KIF14: variants seen among roughly 807,000 people sequenced by gnomAD.
KIF14 encodes the protein kinesin-like protein KIF14.
KIF14 carries 98 observed loss-of-function variants against 176.2 expected under a neutral mutation model. That is an observed-to-expected ratio of 0.56 (90% confidence interval 0.47 to 0.66). The LOEUF is 0.66. Among genes scored for constraint, KIF14 ranks in the 30% least tolerant of loss-of-function variants. The probability of loss-of-function intolerance (pLI) is 0.00; values close to 1 mark genes in which losing one functional copy is unlikely to be tolerated. For missense variants in KIF14, 1,751 were observed against 1,920.4 expected (o/e 0.91, Z 1.65); for synonymous variants, 566 against 632.2 (o/e 0.90, Z 1.57).
chr1:200,592,794 T>C (rs1458599985), intron 15 of KIF14, among the ~76,000 whole-genome samples: 1 of 152,238 alleles, frequency 6.6e-6, no homozygotes, highest in Non-Finnish European at 1.5e-5. Context: ...CTGGATGGTA[T>C]AGCCTACTAC....
intron 18 of KIF14, among the ~76,000 whole-genome samples, chr1:200,587,752 TGAGC>T (rs1171235937): frequency 6.6e-6 from 1 of 152,136 alleles, no homozygotes; most frequent in Non-Finnish European, 1.5e-5. Flanking sequence ...GAGGTTGCAG[TGAGC>T]CCAGATCACG....
intron 6 of KIF14, 109 bp downstream of exon 6, chr1:200,606,637 G>T: frequency 2.1e-6 from 2 of 939,876 alleles, no homozygotes; most frequent in Non-Finnish European, 3.5e-6. Flanking sequence ...GTTACCCAGG[G>T]TTTCAAAGTT....
chr1:200,568,555 T>C (rs1467306044), intron 23 of KIF14, among the ~76,000 whole-genome samples: 1 of 152,232 alleles, frequency 6.6e-6, no homozygotes, highest in Non-Finnish European at 1.5e-5. Flanking sequence ...GTATAATATG[T>C]GTACTGTAAA....
chr1:200,565,087 G>A lies in KIF14; in HGVS notation c.4053C>T (p.Tyr1351=). The part of the protein sequence containing the change: ...LRQEVKKLGG[Y]LQLFLQGCCL... ...AATTTACCTGCAAAAATAACTGTAAGTAGCCTCCCAGTTTTTTAACTTCTT... is the reference window on the plus strand; with the variant it reads ...AATTTACCTGCAAAAATAACTGTAAATAGCCTCCCAGTTTTTTAACTTCTT... Residue 1351 remains tyrosine, a synonymous_variant, in exon 25 of 30, where the codon TAC becomes TAT. Coordinates refer to ENST00000367350, the MANE Select transcript of KIF14 (RefSeq NM_014875.3). 1 of 1,609,102 alleles carries A rather than the reference G, an allele frequency of 6.2e-7. No individual in the cohort carries two copies. The highest frequency in any genetic ancestry group is 8.5e-7 in the Non-Finnish European group (1 of 1,178,210).
intron 9 of KIF14, among the ~76,000 whole-genome samples, chr1:200,603,626 A>C (rs1420015913): frequency 6.6e-6 from 1 of 152,106 alleles, no homozygotes; most frequent in Non-Finnish European, 1.5e-5. Flanking sequence ...TTTTTTCTAT[A>C]AACTACCAAC....
chr1:200,618,429 C>A lies in KIF14; in HGVS notation c.295G>T (p.Glu99Ter). 6.2e-7 allele frequency: 1 copy of A among 1,614,144 alleles called. No homozygotes were observed. Reference protein sequence around the residue: ...ALQRRTTRNKESSLLVSELED... With the variant: ...ALQRRTTRNK ...AACTCACTAACAAGCAAAGATGATT[C>A]TTTGTTCCTTGTAGTTCTCCTCTGA... The change falls in exon 2 of 30, where the codon GAA becomes TAA. Residue 99 changes from glutamate (E) to a stop codon, truncating the protein, a stop_gained. Transcript: ENST00000367350. LOFTEE classifies it high-confidence loss of function.
chr1:200,594,383 A>AAAAAAAAAAAAAT (rs1659222169), intron 14 of KIF14, among the ~76,000 whole-genome samples: 1 of 151,458 alleles, frequency 6.6e-6, no homozygotes, highest in African/African-American at 2.4e-5. Flanking sequence ...AAAAAAAAAA[A>AAAAAAAAAAAAAT]AAAAAAAAAA....
intron 21 of KIF14, 37 bp from the exon 22 acceptor site, chr1:200,575,728 G>A (rs775232591): frequency 8.0e-7 from 1 of 1,251,016 alleles, no homozygotes; most frequent in Non-Finnish European, 1.1e-6. Context: ...AGTAAATTTG[G>A]GGTGAAAAAA....
Position 200,553,378 on chromosome 1 carries a change from A to T in KIF14, c.*10T>A. The T allele has an allele frequency of 1.3e-6, 2 of 1,565,460 alleles. No individual in the cohort carries two copies. The highest frequency in any genetic ancestry group is 1.7e-6 in the Non-Finnish European group (2 of 1,158,152). Reference sequence around the variant, plus strand: ...CATGGGTGGTCATAAAAGTGCCTACACATCAGTATTCACACCCACTGAATC... The same window carrying T: ...CATGGGTGGTCATAAAAGTGCCTACTCATCAGTATTCACACCCACTGAATC... On this transcript the variant is annotated 3_prime_UTR_variant, in exon 30 of 30. Transcript: ENST00000367350.
intron 26 of KIF14, among the ~76,000 whole-genome samples, chr1:200,559,890 G>C (rs1558044333): frequency 6.6e-6 from 1 of 152,040 alleles, no homozygotes; most frequent in Non-Finnish European, 1.5e-5. Flanking sequence ...GAGTAGCTGG[G>C]ATTACAGGCA....
chr1:200,586,353 C>G, intron 18 of KIF14, 126 bp from the exon 19 acceptor site: 1 of 728,842 alleles, frequency 1.4e-6, no homozygotes, highest in Non-Finnish European at 2.1e-6. Context: ...AATTTATATA[C>G]CCCATAACAT....
At chr1:200,585,963 T>C (rs1658714910) in intron 19 of KIF14, 138 bp downstream of exon 19, 1 of 532,422 alleles carries the variant, frequency 1.9e-6, no homozygotes, top group African/African-American at 2.0e-5. Flanking sequence ...TACAAATTTA[T>C]TTAGATCCAG....
At chr1:200,562,081 G>A (rs904714584) in intron 25 of KIF14, among the ~76,000 whole-genome samples, 1 of 152,144 alleles carries the variant, frequency 6.6e-6, no homozygotes, top group Non-Finnish European at 1.5e-5. Context: ...ATTTCTCCTG[G>A]CCTGCTTTGG....
chr1:200,584,815 C>T (rs1377023528), intron 19 of KIF14, among the ~76,000 whole-genome samples: 1 of 152,178 alleles, frequency 6.6e-6, no homozygotes, highest in East Asian at 1.9e-4. Flanking sequence ...ACTCTCACCA[C>T]TTCTATTGAA....
intron 18 of KIF14, among the ~76,000 whole-genome samples, chr1:200,588,232 T>C: frequency 7.5e-6 from 1 of 132,604 alleles, no homozygotes; most frequent in East Asian, 2.1e-4. Flanking sequence ...TTGCTTTTTG[T>C]TTGTTTGTTT....
intron 2 of KIF14, 120 bp downstream of exon 2, chr1:200,617,492 T>C: frequency 1.0e-6 from 1 of 955,886 alleles, no homozygotes; most frequent in South Asian, 2.0e-5. Flanking sequence ...TCTTTCTATA[T>C]AAAAGTATTG....
At chr1:200,581,761 C>CTTTTTTTTT (rs66935478) in intron 19 of KIF14, among the ~76,000 whole-genome samples, 1 of 83,048 alleles carries the variant, frequency 1.2e-5, no homozygotes, top group African/African-American at 4.8e-5. Context: ...TTTCACTTTC[C>CTTTTTTTTT]TTTTTTTTTT....
chr1:200,592,373 T>G (rs921724954), intron 15 of KIF14, 133 bp from the exon 16 acceptor site: 50 of 684,676 alleles, frequency 7.3e-5, no homozygotes, highest in Middle Eastern at 2.7e-4. Context: ...CAACTAACAT[T>G]TATTACTTTT....
At chr1:200,606,860 G>A (rs959129596) in intron 5 of KIF14, 62 bp from the exon 6 acceptor site, 6 of 1,282,560 alleles carry the variant, frequency 4.7e-6, no homozygotes, top group Non-Finnish European at 6.8e-6. Flanking sequence ...AACTTGAAAT[G>A]ATCACTTTTT....
Sources: gnomAD v4.1 joint callset for allele counts (sites outside exome capture counted in the v4.1 genomes callset) on GRCh38, gnomAD v4.1.1 for gene constraint, MANE v1.5 for transcripts, NCBI Gene and HGNC (gene_info 2026-07-23, HGNC 2026-07-21) for gene names.